PIGB: variants seen among roughly 807,000 people sequenced by gnomAD.
PIGB encodes phosphatidylinositol glycan anchor biosynthesis class B.
PIGB carries 58 observed loss-of-function variants against 68.4 expected under a neutral mutation model. The observed-to-expected ratio is 0.85, with a 90% CI of 0.69 to 1.06. The LOEUF (loss-of-function observed/expected upper bound fraction) is 1.06. Ranked by LOEUF, PIGB falls within the 50% of genes least tolerant of loss-of-function variation. The pLI is 0.00. For synonymous variants in PIGB, 219 were observed against 220.5 expected, an observed-to-expected ratio of 0.99 and a Z score of 0.06; for missense variants, 634 against 655.8, an observed-to-expected ratio of 0.97 and a Z score of 0.36.
intron 9 of PIGB, chr15:55,346,694 C>T (rs758836755): frequency 3.3e-5 from 5 of 152,218 alleles, no homozygotes; most frequent in Non-Finnish European, 7.3e-5. Context: ...TGATCACTTT[C>T]TGAAGCTAGG....
At chr15:55,326,507 C>T (rs1595772669) in intron 3 of PIGB, among the ~76,000 whole-genome samples, 1 of 152,304 alleles carries the variant, frequency 6.6e-6, no homozygotes, top group South Asian at 2.1e-4. Context: ...ATACATAGTA[C>T]ACAGTGCTGC....
intron 9 of PIGB, among the ~76,000 whole-genome samples, chr15:55,342,929 TAAA>T (rs780773569): frequency 6.6e-6 from 1 of 151,740 alleles, no homozygotes; most frequent in Non-Finnish European, 1.5e-5. Context: ...ATTAAGACCT[TAAA>T]AAAAATCACA....
chr15:55,320,336 CT>C lies in PIGB; in HGVS notation c.230del (p.Leu77Ter). The C allele has an allele frequency of 6.2e-7, 1 of 1,612,930 alleles. No homozygotes were observed. The highest frequency in any genetic ancestry group is 8.5e-7 in the Non-Finnish European group (1 of 1,179,040). On this transcript the variant is annotated frameshift_variant, in exon 2 of 12. Transcript: ENST00000164305. LOFTEE classifies it high-confidence loss of function. ...CCATAGCTTTACGAATATTAAACTG[CT>C]TTTTAGTGCAGACAAGTTTTGTTCC... ...FTIALRILNC[F>X]LVQTSFVPDE... is the part of the protein sequence containing the mutation.
chr15:55,332,533 G>C (rs1458498461), intron 5 of PIGB, among the ~76,000 whole-genome samples: 1 of 151,682 alleles, frequency 6.6e-6, no homozygotes, highest in Non-Finnish European at 1.5e-5. Flanking sequence ...ACCACACCCA[G>C]CTAATTTTTT....
chr15:55,345,844 C>T (rs920513066), intron 9 of PIGB, among the ~76,000 whole-genome samples: 1 of 152,194 alleles, frequency 6.6e-6, no homozygotes, highest in African/African-American at 2.4e-5. Flanking sequence ...TTTCCCAGCC[C>T]CATTCTACTG....
At chr15:55,344,931 T>A (rs1414118958) in intron 9 of PIGB, among the ~76,000 whole-genome samples, 1 of 147,388 alleles carries the variant, frequency 6.8e-6, no homozygotes, top group Non-Finnish European at 1.5e-5. Context: ...AGTCTCTCTC[T>A]GTCGCCCATG....
chr15:55,351,169 G>A (rs1413337339), intron 10 of PIGB, among the ~76,000 whole-genome samples: 4 of 148,444 alleles, frequency 2.7e-5, no homozygotes, highest in African/African-American at 7.5e-5. Context: ...GTGCAGTGGC[G>A]CGATCTCGGC....
In PIGB at chr15:55,327,768, TAAG is replaced by T. The variant is rs1446325343; in HGVS notation, c.522+136_522+138del. ...AACTTTATAGAGGTACTTCCATAAA[TAAG>T]AACAGTAATATGCAAGTGGCACCTG... On this transcript the variant is annotated intron_variant, in intron 4 of 11. Coordinates refer to ENST00000164305, the MANE Select transcript of PIGB (RefSeq NM_004855.5). 4 of 660,778 alleles carry T rather than the reference TAAG, an allele frequency of 6.1e-6. No homozygotes were observed. The African/African-American group carries it at 7.4e-5, about 12-fold the overall frequency. The allele number at this position is 660,778 out of a possible 1,614,324, so 40.9% of individuals were successfully genotyped here.
intron 3 of PIGB, among the ~76,000 whole-genome samples, chr15:55,321,640 T>C (rs1182455805): frequency 6.9e-6 from 1 of 144,074 alleles, no homozygotes; most frequent in Non-Finnish European, 1.5e-5. Context: ...AGAAGTATAC[T>C]TCTTTCTTTT....
rs1475830831 is a variant in PIGB, at chr15:55,329,874, ATAAT to A, written c.653+23_653+26del. The A allele has an allele frequency of 3.3e-6, 5 of 1,512,156 alleles. No homozygotes were observed. The Admixed American group carries it at 9.3e-5, about 28-fold the overall frequency. 93.7% of individuals were successfully genotyped at this position (1,512,156 alleles called of 1,614,324 possible). A position where few individuals can be genotyped will look rare whatever the true frequency, so the allele number is the denominator to read the frequency against. The stretch of plus-strand genomic sequence containing the variant: ...GAACAGGTAAGAAAAATTATTGTTA[ATAAT>A]TATGTTCAAAATTCTACTTTTGAAA... On this transcript the variant is annotated intron_variant, in intron 5 of 11. Transcript: ENST00000164305.
At chr15:55,350,506 A>G in intron 9 of PIGB, 193 bp from the exon 10 acceptor site, 1 of 584,166 alleles carries the variant, frequency 1.7e-6, no homozygotes, top group Non-Finnish European at 3.0e-6. Flanking sequence ...AATACCTTTT[A>G]CTAGAAAAAG....
At chr15:55,328,847 T>TCC (rs2055348778) in intron 4 of PIGB, among the ~76,000 whole-genome samples, 1 of 152,108 alleles carries the variant, frequency 6.6e-6, no homozygotes, top group South Asian at 2.1e-4. Context: ...ACACCTGTAA[T>TCC]CCCAGCTACT....
At chr15:55,324,847 G>C in intron 3 of PIGB, 1 of 978,714 alleles carries the variant, frequency 1.0e-6, no homozygotes, top group Non-Finnish European at 1.2e-6. Context: ...ATGTACATGA[G>C]TGCCTTTTCC....
intron 3 of PIGB, among the ~76,000 whole-genome samples, chr15:55,327,084 G>C (rs1380484839): frequency 6.6e-6 from 1 of 151,702 alleles, no homozygotes; most frequent in Non-Finnish European, 1.5e-5. Flanking sequence ...CTGGGTAACA[G>C]AGTGAGACCC....
Position 55,320,266 on chromosome 15 carries a change from GT to G in PIGB, c.164-4del. 1 of 1,610,366 alleles carries G rather than the reference GT, an allele frequency of 6.2e-7. No homozygotes were observed. On this transcript the variant is annotated splice_polypyrimidine_tract_variant and splice_region_variant and intron_variant, in intron 1 of 11. Coordinates refer to ENST00000164305, the MANE Select transcript of PIGB (RefSeq NM_004855.5). The stretch of plus-strand genomic sequence containing the variant: ...GTGCCACTATTACCTGTTTTGTTCT[GT>G]TTTTCAGATCTTCTTGGAGAAAATA...
chr15:55,352,955 G>C (rs1343625801), intron 10 of PIGB, among the ~76,000 whole-genome samples: 4 of 152,068 alleles, frequency 2.6e-5, no homozygotes, highest in Non-Finnish European at 5.9e-5. Context: ...GAAAAATGGA[G>C]ATCCTAGCAA....
At chr15:55,346,658 G>T (rs2055801901) in intron 9 of PIGB, 1 of 152,160 alleles carries the variant, frequency 6.6e-6, no homozygotes, top group Non-Finnish European at 1.5e-5. Context: ...CAGTGATTGG[G>T]ATACACATCA....
rs1432428918 is a variant in PIGB at position 55,320,423 on chromosome 15, G to T, written c.299+13G>T. On this transcript the variant is annotated intron_variant, in intron 2 of 11. Coordinates refer to ENST00000164305, the MANE Select transcript of PIGB (RefSeq NM_004855.5). Reference sequence around the variant, plus strand: ...ACATGGTTTTCAAATATCCTTTGTGGTTTCTTTTCCAGACTATGAGTGTGT... The same window carrying T: ...ACATGGTTTTCAAATATCCTTTGTGTTTTCTTTTCCAGACTATGAGTGTGT... The T allele has an allele frequency of 6.2e-7, 1 of 1,611,028 alleles. No homozygotes were observed. The highest frequency in any genetic ancestry group is 8.5e-7 in the Non-Finnish European group (1 of 1,178,886).
At chr15:55,346,556 T>C (rs2055798923) in intron 9 of PIGB, 1 of 152,206 alleles carries the variant, frequency 6.6e-6, no homozygotes, top group African/African-American at 2.4e-5. Flanking sequence ...TTAGGGGTGA[T>C]GTTTAGCATC....
Sources: allele counts gnomAD v4.1 joint callset (sites outside exome capture counted in the v4.1 genomes callset), GRCh38; gene constraint gnomAD v4.1.1; transcripts MANE v1.5; gene names NCBI Gene and HGNC (gene_info 2026-07-23, HGNC 2026-07-21).